Variants in RBFOX1 observed in about 807,000 individuals in gnomAD.
RBFOX1 encodes RNA binding protein fox-1 homolog 1.
A neutral mutation model predicts 57.7 loss-of-function variants in RBFOX1; 8 were observed. That is an observed-to-expected ratio of 0.14 (90% CI 0.08 to 0.25). The LOEUF (loss-of-function observed/expected upper bound fraction) is 0.25. Among genes scored for constraint, RBFOX1 ranks in the 10% least tolerant of loss-of-function variants. RBFOX1 has a pLI of 1.00. For missense variants in RBFOX1, 611 were observed against 548.5 expected (o/e 1.11, Z -1.14); for synonymous variants, 326 against 222.4 (o/e 1.47, Z -4.15).
At chr16:6,697,906 G>A (rs1373540814) in intron 3 of RBFOX1, among the ~76,000 whole-genome samples, 1 of 152,148 alleles carries the variant, frequency 6.6e-6, no homozygotes, top group Non-Finnish European at 1.5e-5. Flanking sequence ...GTGGCCAGAA[G>A]ACCAAAAGTC....
intron 3 of RBFOX1, among the ~76,000 whole-genome samples, chr16:6,894,925 C>G (rs768031834): frequency 2.0e-5 from 3 of 152,174 alleles, no homozygotes; most frequent in African/African-American, 7.2e-5. Context: ...AAATGTCTCA[C>G]TGTCTCCAAA....
chr16:5,547,713 C>T (rs1211996995), intron 2 of RBFOX1, among the ~76,000 whole-genome samples: 5 of 152,064 alleles, frequency 3.3e-5, no homozygotes, highest in Admixed American at 6.6e-5. Flanking sequence ...ACTACACAGC[C>T]GTATCAAAGC....
intron 3 of RBFOX1, among the ~76,000 whole-genome samples, chr16:5,713,272 C>T (rs903081699): frequency 2.0e-5 from 3 of 152,106 alleles, no homozygotes; most frequent in East Asian, 1.9e-4. Flanking sequence ...GATTCATCCT[C>T]GGTAACCTTT....
At chr16:6,593,059 G>T (rs1317379721) in intron 2 of RBFOX1, among the ~76,000 whole-genome samples, 3 of 152,172 alleles carry the variant, frequency 2.0e-5, no homozygotes, top group Admixed American at 6.5e-5. Flanking sequence ...GGGTGTGGTG[G>T]CAGGTGCCTG....
chr16:7,171,993 G>C (rs1303827568), intron 4 of RBFOX1, among the ~76,000 whole-genome samples: 1 of 152,156 alleles, frequency 6.6e-6, no homozygotes, highest in African/African-American at 2.4e-5. Context: ...ATAGTAGGAA[G>C]AATCCTACAT....
At chr16:7,357,400 A>G (rs563158217) in intron 4 of RBFOX1, among the ~76,000 whole-genome samples, 1 of 152,328 alleles carries the variant, frequency 6.6e-6, no homozygotes, top group Non-Finnish European at 1.5e-5. Context: ...TAAGCTTAAC[A>G]GAGAGCAGAG....
chr16:6,580,110 C>G (rs143255321), intron 2 of RBFOX1, among the ~76,000 whole-genome samples: 2,444 of 152,136 alleles, frequency 0.016, 61 homozygotes, highest in African/African-American at 0.055. Context: ...AGGTGCCCAC[C>G]ACCGCACCTA....
chr16:5,991,049 A>G (rs1330486555), intron 4 of RBFOX1, among the ~76,000 whole-genome samples: 1 of 152,218 alleles, frequency 6.6e-6, no homozygotes, highest in Non-Finnish European at 1.5e-5. Context: ...TTTAATGGAA[A>G]ATTCTTGTGA....
chr16:5,856,575 G>GTGTGTATATATA (rs1192496608), intron 3 of RBFOX1, among the ~76,000 whole-genome samples: 23 of 32,916 alleles, frequency 7.0e-4, no homozygotes, highest in African/African-American at 2.9e-3. Context: ...GTGTGTGTGT[G>GTGTGTATATATA]TATATATATA....
chr16:5,955,887 A>C (rs1239266323), intron 4 of RBFOX1, among the ~76,000 whole-genome samples: 1 of 152,240 alleles, frequency 6.6e-6, no homozygotes, highest in African/African-American at 2.4e-5. Context: ...TAACGGGTCC[A>C]ATGCTCAAAT....
At chr16:5,289,392 TG>T in intron 1 of RBFOX1, 1 of 375,046 alleles carries the variant, frequency 2.7e-6, no homozygotes, top group Non-Finnish European at 5.1e-6. Flanking sequence ...GGCCCCCATA[TG>T]GGGTGCTGCC....
Position 5,509,187 on chromosome 16 carries a change from C to A in RBFOX1, c.258+41933C>A, listed in dbSNP as rs572109043. Among the ~76,000 whole-genome samples, 10 of 152,318 alleles carry A rather than the reference C, an allele frequency of 6.6e-5. No individual in the cohort carries two copies. In the East Asian group the frequency reaches 1.9e-3, roughly 29 times the overall value. On this transcript the variant is annotated intron_variant, in intron 2 of 2. Coordinates refer to the RBFOX1 transcript ENST00000585867. ...CCACTGGGATTTGTACTTTGATGCC[C>A]ACATGCAGGGTGGTGCAAGAGCAGG... is the stretch of plus-strand genomic sequence containing the variant.
chr16:6,423,869 T>C (rs1327552546), intron 2 of RBFOX1, among the ~76,000 whole-genome samples: 2 of 152,104 alleles, frequency 1.3e-5, no homozygotes, highest in African/African-American at 4.8e-5. Context: ...TGAATCCTAG[T>C]AACACACAGA....
chr16:7,209,092 C>G (rs940497714), intron 4 of RBFOX1, among the ~76,000 whole-genome samples: 4 of 151,580 alleles, frequency 2.6e-5, no homozygotes, highest in Non-Finnish European at 4.4e-5. Flanking sequence ...GTCAGGAGTT[C>G]AAGAGCAGCC....
chr16:7,412,305 C>G (rs574165608), intron 4 of RBFOX1, among the ~76,000 whole-genome samples: 1 of 151,592 alleles, frequency 6.6e-6, no homozygotes, highest in Non-Finnish European at 1.5e-5. Context: ...ATCTCAGCTC[C>G]TCATGAGGCT....
intron 3 of RBFOX1, among the ~76,000 whole-genome samples, chr16:6,881,518 A>G (rs1330871544): frequency 3.3e-5 from 5 of 151,990 alleles, no homozygotes; most frequent in East Asian, 1.9e-4. Flanking sequence ...TCTTTACATC[A>G]TCTTCCGTCT....
chr16:5,707,571 C>T (rs996094333), intron 3 of RBFOX1, among the ~76,000 whole-genome samples: 3 of 152,150 alleles, frequency 2.0e-5, no homozygotes. Context: ...ATGCCTTCCC[C>T]CAACACTCCA....
intron 2 of RBFOX1, among the ~76,000 whole-genome samples, chr16:5,525,491 ATT>A (rs71404528): frequency 0.06 from 4,670 of 78,138 alleles, 56 homozygotes; most frequent in East Asian, 0.11. Context: ...AGCCGACACT[ATT>A]TTTTTTTTTT....
intron 4 of RBFOX1, among the ~76,000 whole-genome samples, chr16:5,989,425 A>C (rs1254722721): frequency 6.6e-6 from 1 of 152,164 alleles, no homozygotes; most frequent in South Asian, 2.1e-4. Context: ...AGAACTTAGC[A>C]TGGAAAGATG....
Sources: gnomAD v4.1 joint callset for allele counts (sites outside exome capture counted in the v4.1 genomes callset) on GRCh38, gnomAD v4.1.1 for gene constraint, MANE v1.5 for transcripts, NCBI Gene and HGNC (gene_info 2026-07-23, HGNC 2026-07-21) for gene names.